PHACTR2: variants seen among roughly 807,000 people sequenced by gnomAD.
PHACTR2 encodes the protein chromosome 6 open reading frame 56.
PHACTR2 carries 30 observed loss-of-function variants against 76.0 expected under a neutral mutation model. The observed-to-expected ratio is 0.39, with a 90% CI of 0.30 to 0.54. The LOEUF (loss-of-function observed/expected upper bound fraction) is 0.54, where lower values mean the gene tolerates loss of function less well. PHACTR2 is among the 20% of genes least tolerant of loss of function. PHACTR2 has a pLI of 0.61. For synonymous variants in PHACTR2, 292 were observed against 292.5 expected (o/e 1.00, Z 0.02); for missense variants, 696 against 781.1 (o/e 0.89, Z 1.30).
chr6:143,705,120 C>T (rs902681719), intron 1 of PHACTR2, among the ~76,000 whole-genome samples: 6 of 147,454 alleles, frequency 4.1e-5, no homozygotes, highest in East Asian at 2.1e-4. Context: ...CCACCGCGCC[C>T]GGCCTTGTTT....
intron 11 of PHACTR2, among the ~76,000 whole-genome samples, chr6:143,805,856 G>A (rs1361282258): frequency 6.6e-6 from 1 of 152,308 alleles, no homozygotes; most frequent in South Asian, 2.1e-4. Flanking sequence ...GGAAAGGCTC[G>A]TGTATTGCAG....
rs1273888193 is a variant in PHACTR2, at chr6:143,550,562, G to A, written c.217+13355G>A. Among the ~76,000 whole-genome samples the A allele has an allele frequency of 2.6e-5, 4 of 151,958 alleles. No individual in the cohort carries two copies. The highest frequency in any genetic ancestry group is 6.6e-5 in the Admixed American group (1 of 15,240). On this transcript the variant is annotated intron_variant, in intron 1 of 11. Transcript: ENST00000367584. This position sits in a 1 kb window ranked among gnomAD's most constrained non-coding sequence, Gnocchi z 4.8. ...ATCTAAACTAATCCACGCTTTGAAGGATCTAGAGAGAGAGCATGGCTTTAG... is the reference window on the plus strand; with the variant it reads ...ATCTAAACTAATCCACGCTTTGAAGAATCTAGAGAGAGAGCATGGCTTTAG...
chr6:143,706,420 T>C (rs1562276831), intron 1 of PHACTR2, among the ~76,000 whole-genome samples: 2 of 152,192 alleles, frequency 1.3e-5, no homozygotes, highest in African/African-American at 4.8e-5. Flanking sequence ...TTCATTTACT[T>C]ATCTATCTGT....
At chr6:143,736,796 G>C (rs1435626310) in intron 2 of PHACTR2, among the ~76,000 whole-genome samples, 3 of 151,422 alleles carry the variant, frequency 2.0e-5, no homozygotes, top group South Asian at 2.1e-4. Context: ...GGATGGTCTC[G>C]ATCTCCTGAC....
rs1304550243 is a variant in PHACTR2 at position 143,780,499 on chromosome 6, A to T, written c.1646-2720A>T. On this transcript the variant is annotated intron_variant, in intron 9 of 12. Coordinates refer to ENST00000440869, the MANE Select transcript of PHACTR2 (RefSeq NM_001100164.2). The surrounding 1 kb of genome is among the most constrained non-coding windows in gnomAD (Gnocchi z 4.4). ...ACATGGAAACATGTAAAAAGCAGAA[A>T]GAAAAACAAATCCACAAAAAAATTT... Among the ~76,000 whole-genome samples the T allele has an allele frequency of 6.6e-6, 1 of 152,260 alleles. No homozygotes were observed. Among genetic ancestry groups the T allele is most frequent in the Non-Finnish European group, 1.5e-5 (1 of 68,050 alleles).
intron 1 of PHACTR2, among the ~76,000 whole-genome samples, chr6:143,567,953 T>C (rs1054875499): frequency 6.6e-6 from 1 of 152,246 alleles, no homozygotes; most frequent in South Asian, 2.1e-4. Flanking sequence ...CCCACGACTC[T>C]GTCATGCCCT....
At position 143,709,464 on chromosome 6, in the gene PHACTR2, T is replaced by C. The variant is rs975966499; in HGVS notation, c.47-2552T>C. ...TTCAGTTTGAGATTTTCCTGGTTCTTAGTGTGTCAAGTGATTTTCGATGGA... is the reference window on the plus strand; with the variant it reads ...TTCAGTTTGAGATTTTCCTGGTTCTCAGTGTGTCAAGTGATTTTCGATGGA... On this transcript the variant is annotated intron_variant, in intron 1 of 12. Transcript: ENST00000440869. This position sits in a 1 kb window ranked among gnomAD's most constrained non-coding sequence, Gnocchi z 4.4. Among the ~76,000 whole-genome samples the C allele has an allele frequency of 6.6e-6, 1 of 152,226 alleles. No individual in the cohort carries two copies. The highest frequency in any genetic ancestry group is 1.5e-5 in the Non-Finnish European group (1 of 68,018).
chr6:143,730,135 C>T lies in PHACTR2; in HGVS notation c.214+17952C>T, dbSNP rs1778668696. Among the ~76,000 whole-genome samples the T allele has an allele frequency of 6.6e-6, 1 of 152,076 alleles. No homozygotes were observed. The highest frequency in any genetic ancestry group is 2.4e-5 in the African/African-American group (1 of 41,408). ...TATTCTTCATTTAAAATTGTTTTAA[C>T]TAATCTAGTTTGTTTGGCTTTCATT... On this transcript the variant is annotated intron_variant, in intron 2 of 12. Coordinates refer to ENST00000440869, the MANE Select transcript of PHACTR2 (RefSeq NM_001100164.2). The surrounding 1 kb of genome is among the most constrained non-coding windows in gnomAD (Gnocchi z 4.8).
chr6:143,678,181 G>A lies in PHACTR2; in HGVS notation c.18G>A (p.Val6=). Residue 6 remains valine, a synonymous_variant, in exon 1 of 13, where the codon GTG becomes GTA. Transcript: ENST00000440869. The surrounding 1 kb of genome is among the most constrained non-coding windows in gnomAD (Gnocchi z 6.2). MGQTS[V]STLSPQPGSV... ...CCCCAGTCATGGGCCAGACCTCGGT[G>A]TCCACGCTGTCCCCGCAGCCCGGCA... The A allele has an allele frequency of 6.5e-7, 1 of 1,539,628 alleles. No individual in the cohort carries two copies. The highest frequency in any genetic ancestry group is 8.8e-7 in the Non-Finnish European group (1 of 1,142,364).
rs890656810 is a variant in PHACTR2 at position 143,663,725 on chromosome 6, G to A, written c.14-48291G>A. ...CAGTTTCTAAAAATGTGTGGGAGGG[G>A]TTTTTATTTCTGTTTTTAACTAGGT... On this transcript the variant is annotated intron_variant, in intron 1 of 11. Transcript: ENST00000305766. This position sits in a 1 kb window ranked among gnomAD's most constrained non-coding sequence, Gnocchi z 4.1. 6.6e-6 allele frequency among the ~76,000 whole-genome samples: 1 copy of A among 151,862 alleles called. No homozygotes were observed. Among genetic ancestry groups the A allele is most frequent in the African/African-American group, 2.4e-5 (1 of 41,372 alleles).
In PHACTR2 at chr6:143,550,315, G is replaced by A. The variant is rs1384476500; in HGVS notation, c.217+13108G>A. On this transcript the variant is annotated intron_variant, in intron 1 of 11. Coordinates refer to the PHACTR2 transcript ENST00000367584. This position sits in a 1 kb window ranked among gnomAD's most constrained non-coding sequence, Gnocchi z 4.8. ...GCTGGTCCTCGGACCACACTTCAAG[G>A]GAAGCAAGTCTGTATGGAGAGCTTT... Among the ~76,000 whole-genome samples the A allele has an allele frequency of 6.6e-6, 1 of 151,902 alleles. No homozygotes were observed. The highest frequency in any genetic ancestry group is 2.4e-5 in the African/African-American group (1 of 41,364).
At chr6:143,714,842 A>AT (rs1159300167) in intron 2 of PHACTR2, among the ~76,000 whole-genome samples, 8 of 151,594 alleles carry the variant, frequency 5.3e-5, no homozygotes, top group African/African-American at 9.7e-5. Flanking sequence ...CTACATAATC[A>AT]TTTTTTCCCA....
At chr6:143,814,514 A>G (rs1776255359) in intron 12 of PHACTR2, among the ~76,000 whole-genome samples, 2 of 150,760 alleles carry the variant, frequency 1.3e-5, no homozygotes, top group South Asian at 4.2e-4. Flanking sequence ...AGAACGTCCA[A>G]TTATAAGTGG....
chr6:143,651,460 A>G (rs1776762488), intron 1 of PHACTR2, among the ~76,000 whole-genome samples: 1 of 152,234 alleles, frequency 6.6e-6, no homozygotes, highest in African/African-American at 2.4e-5. Flanking sequence ...TCAATGATAG[A>G]CTGGATAAAG....
In PHACTR2 at chr6:143,754,876, G is replaced by A. The variant is rs1779266177; in HGVS notation, c.454+964G>A. Among the ~76,000 whole-genome samples the A allele has an allele frequency of 6.6e-6, 1 of 152,146 alleles. No homozygotes were observed. The highest frequency in any genetic ancestry group is 2.1e-4 in the South Asian group (1 of 4,822). On this transcript the variant is annotated intron_variant, in intron 4 of 12. Coordinates refer to ENST00000440869, the MANE Select transcript of PHACTR2 (RefSeq NM_001100164.2). This position sits in a 1 kb window ranked among gnomAD's most constrained non-coding sequence, Gnocchi z 6.2. ...GTTCTGTGGGCATTTTGAACTCTTA[G>A]AAACTGATGAAAGTGAATTCTCTTC... is the stretch of plus-strand genomic sequence containing the variant.
intron 1 of PHACTR2, among the ~76,000 whole-genome samples, chr6:143,628,308 C>T (rs796311404): frequency 1.2e-4 from 18 of 152,326 alleles, no homozygotes; most frequent in African/African-American, 4.1e-4. Flanking sequence ...AACAAATTGC[C>T]ACAAACTTTG....
At chr6:143,702,401 C>T (rs1777935824) in intron 1 of PHACTR2, among the ~76,000 whole-genome samples, 2 of 152,110 alleles carry the variant, frequency 1.3e-5, no homozygotes, top group South Asian at 4.1e-4. Flanking sequence ...GCCACGGCAC[C>T]CAGCCTGCTT....
In PHACTR2 at chr6:143,776,420, T is replaced by C. The variant is rs1775273215; in HGVS notation, c.1590-908T>C. ...AACCTATAAAAATCAACATTATGTT[T>C]ATATAACATTGTTACATAGAAGAAA... On this transcript the variant is annotated intron_variant, in intron 8 of 12. Coordinates refer to ENST00000440869, the MANE Select transcript of PHACTR2 (RefSeq NM_001100164.2). The surrounding 1 kb of genome is among the most constrained non-coding windows in gnomAD (Gnocchi z 5.3). 6.6e-6 allele frequency among the ~76,000 whole-genome samples: 1 copy of C among 152,244 alleles called. No individual in the cohort carries two copies. The highest frequency in any genetic ancestry group is 6.5e-5 in the Admixed American group (1 of 15,280).
chr6:143,605,763 TA>T (rs772032904), upstream of PHACTR2, among the ~76,000 whole-genome samples: 4 of 152,242 alleles, frequency 2.6e-5, no homozygotes, highest in Admixed American at 6.5e-5. This position sits in a 1 kb window ranked among gnomAD's most constrained non-coding sequence, Gnocchi z 5.0. Context: ...AGGGAGATGT[TA>T]AGTTCCTAAA....
Sources: gnomAD v4.1 joint callset for allele counts (sites outside exome capture counted in the v4.1 genomes callset) on GRCh38, gnomAD v4.1.1 for gene constraint, Gnocchi (gnomAD v3.1) non-coding constraint, MANE v1.5 for transcripts, NCBI Gene and HGNC (gene_info 2026-07-23, HGNC 2026-07-21) for gene names.